COL11A1: variants seen among roughly 807,000 people sequenced by gnomAD.
COL11A1 encodes collagen type XI alpha 1 chain.
COL11A1 carries 74 observed loss-of-function variants against 265.2 expected under a neutral mutation model. That is an observed-to-expected ratio of 0.28 (90% CI 0.23 to 0.34). The LOEUF is 0.34. COL11A1 is among the 10% of genes least tolerant of loss of function. The pLI is 1.00. For synonymous variants in COL11A1, 816 were observed against 727.6 expected (o/e 1.12, Z -1.96); for missense variants, 2,165 against 2,263.6 (o/e 0.96, Z 0.88).
intron 4 of COL11A1, among the ~76,000 whole-genome samples, chr1:103,060,404 C>T (rs1670580338): frequency 6.6e-6 from 1 of 152,010 alleles, no homozygotes; most frequent in South Asian, 2.1e-4. Context: ...CTTAAATCTA[C>T]ATAAACTATT....
At chr1:103,069,205 TA>T (rs140204651) in intron 4 of COL11A1, among the ~76,000 whole-genome samples, 4,622 of 151,282 alleles carry the variant, frequency 0.031, 264 homozygotes, top group African/African-American at 0.11. Context: ...ATGGTAGTAG[TA>T]AAAAAAATGA....
At chr1:103,039,586 A>G (rs1668647746) in intron 4 of COL11A1, among the ~76,000 whole-genome samples, 1 of 147,730 alleles carries the variant, frequency 6.8e-6, no homozygotes, top group Non-Finnish European at 1.5e-5. Flanking sequence ...CAAGGCAAGA[A>G]CGCTCGGACA....
chr1:103,103,892 C>T (rs1674489780), intron 1 of COL11A1, among the ~76,000 whole-genome samples: 1 of 152,024 alleles, frequency 6.6e-6, no homozygotes, highest in Non-Finnish European at 1.5e-5. Context: ...ACTTGCACTA[C>T]TAAGTTCTCT....
chr1:102,892,338 T>C (rs745542009), intron 57 of COL11A1, among the ~76,000 whole-genome samples: 1 of 152,166 alleles, frequency 6.6e-6, no homozygotes, highest in Non-Finnish European at 1.5e-5. Context: ...TTTTCCTCTA[T>C]CTGGAAACAC....
intron 4 of COL11A1, among the ~76,000 whole-genome samples, chr1:103,035,996 A>C (rs1335343189): frequency 6.6e-6 from 1 of 151,822 alleles, no homozygotes; most frequent in Non-Finnish European, 1.5e-5. Flanking sequence ...GTTATAAATG[A>C]AAAAAAGCAA....
At chr1:102,878,981 GA>G (rs1426214202) in intron 66 of COL11A1, among the ~76,000 whole-genome samples, 1 of 151,924 alleles carries the variant, frequency 6.6e-6, no homozygotes, top group Non-Finnish European at 1.5e-5. Flanking sequence ...AACTATATTG[GA>G]AAAGCTTTTC....
intron 54 of COL11A1, among the ~76,000 whole-genome samples, chr1:102,902,995 C>T (rs1182192941): frequency 5.3e-5 from 8 of 151,814 alleles, no homozygotes; most frequent in African/African-American, 1.9e-4. Context: ...TTGTGAACTT[C>T]CCTTTGGCAA....
intron 55 of COL11A1, 39 bp from the exon 56 acceptor site, chr1:102,898,812 G>C (rs1557790188): frequency 6.4e-7 from 1 of 1,567,344 alleles, no homozygotes; most frequent in East Asian, 2.3e-5. Flanking sequence ...TTAGTGATGA[G>C]AAAATACTTT....
intron 30 of COL11A1, among the ~76,000 whole-genome samples, chr1:102,986,753 A>G (rs1570950124): frequency 6.6e-6 from 1 of 152,160 alleles, no homozygotes; most frequent in East Asian, 1.9e-4. Context: ...TCAAATTTCA[A>G]TGTTGCCTAA....
chr1:102,904,036 A>AT lies in COL11A1; in HGVS notation c.4087-5043dup, dbSNP rs1309651508. On this transcript the variant is annotated intron_variant, in intron 54 of 66. Coordinates refer to ENST00000370096, the MANE Select transcript of COL11A1 (RefSeq NM_001854.4). Reference sequence around the variant, plus strand: ...GTCATCATACCTGACTAATTTTTGTATTTTTTTGTAGAGACAGGGTTTCAC... The same window carrying AT: ...GTCATCATACCTGACTAATTTTTGTATTTTTTTTGTAGAGACAGGGTTTCAC... Among the ~76,000 whole-genome samples, 9 of 151,736 alleles carry AT rather than the reference A, an allele frequency of 5.9e-5. No individual in the cohort carries two copies. The East Asian group carries it at 1.5e-3, about 26-fold the overall frequency.
chr1:103,069,747 T>G (rs1671429676), intron 4 of COL11A1, among the ~76,000 whole-genome samples: 2 of 151,758 alleles, frequency 1.3e-5, no homozygotes, highest in Non-Finnish European at 2.9e-5. Flanking sequence ...GGCAAAAAAT[T>G]TGAAAAGACA....
chr1:102,966,222 T>C (rs1661390082), intron 37 of COL11A1, among the ~76,000 whole-genome samples: 1 of 152,212 alleles, frequency 6.6e-6, no homozygotes, highest in African/African-American at 2.4e-5. Flanking sequence ...TTCCACATAA[T>C]TGTGTGAATA....
chr1:102,987,770 A>G (rs1488318607), intron 29 of COL11A1, 30 bp from the exon 30 acceptor site: 1 of 1,517,004 alleles, frequency 6.6e-7, no homozygotes, highest in Admixed American at 1.7e-5. Flanking sequence ...CATTCTTATG[A>G]GTGAAACGTC....
At chr1:103,026,372 TG>T in intron 5 of COL11A1, 40 bp from the exon 6 acceptor site, 4 of 1,287,680 alleles carry the variant, frequency 3.1e-6, no homozygotes, top group Non-Finnish European at 4.5e-6. Flanking sequence ...ATTGTGTTAG[TG>T]GCAAAATACT....
intron 46 of COL11A1, among the ~76,000 whole-genome samples, chr1:102,931,564 A>T (rs1014080595): frequency 6.6e-6 from 1 of 152,166 alleles, no homozygotes; most frequent in Admixed American, 6.5e-5. Flanking sequence ...AAAAATGTAT[A>T]TTCTGTTGAT....
intron 44 of COL11A1, among the ~76,000 whole-genome samples, chr1:102,937,295 A>T (rs1658247502): frequency 6.6e-6 from 1 of 152,164 alleles, no homozygotes; most frequent in Non-Finnish European, 1.5e-5. Context: ...CAGTCATTTT[A>T]GCATTGCTTT....
intron 46 of COL11A1, among the ~76,000 whole-genome samples, chr1:102,924,725 T>A (rs1360056243): frequency 6.6e-6 from 1 of 152,072 alleles, no homozygotes; most frequent in East Asian, 1.9e-4. Context: ...AAGTTTAATC[T>A]TAGAAAAAAG....
At chr1:103,076,817 T>C (rs1047328580) in intron 3 of COL11A1, among the ~76,000 whole-genome samples, 2 of 152,128 alleles carry the variant, frequency 1.3e-5, no homozygotes, top group Non-Finnish European at 2.9e-5. Flanking sequence ...GGGTTGTTCA[T>C]TGCTACAACT....
intron 65 of COL11A1, among the ~76,000 whole-genome samples, chr1:102,880,786 T>C (rs1205678728): frequency 6.6e-6 from 1 of 152,080 alleles, no homozygotes; most frequent in Non-Finnish European, 1.5e-5. Context: ...TTTTACTTAG[T>C]TCTTACTGAA....
Sources: allele counts gnomAD v4.1 joint callset (sites outside exome capture counted in the v4.1 genomes callset), GRCh38; gene constraint gnomAD v4.1.1; transcripts MANE v1.5; gene names NCBI Gene and HGNC (gene_info 2026-07-23, HGNC 2026-07-21).